Variants in CSMD3 observed in about 807,000 individuals in gnomAD.
The protein encoded by CSMD3 is CUB and sushi domain-containing protein 3.
CSMD3 carries 177 observed loss-of-function variants against 435.2 expected under a neutral mutation model. The observed-to-expected ratio is 0.41, with a 90% CI of 0.36 to 0.46. CSMD3 has a LOEUF of 0.46. CSMD3 is among the 20% of genes least tolerant of loss of function. CSMD3 has a pLI of 0.34. For missense variants in CSMD3, 4,265 were observed against 4,504.6 expected (o/e 0.95, Z 1.52); for synonymous variants, 1,656 against 1,520.5 (o/e 1.09, Z -2.07).
chr8:113,305,668 G>A (rs1206540860), intron 2 of CSMD3, among the ~76,000 whole-genome samples: 1 of 152,172 alleles, frequency 6.6e-6, no homozygotes, highest in Non-Finnish European at 1.5e-5. Context: ...GTATACTCTG[G>A]AATCCTTGCC....
At chr8:112,252,628 T>C (rs1396096846) in intron 63 of CSMD3, among the ~76,000 whole-genome samples, 2 of 150,646 alleles carry the variant, frequency 1.3e-5, no homozygotes, top group Non-Finnish European at 3.0e-5. Flanking sequence ...TATAACTATT[T>C]ATTGTGTTAG....
At chr8:112,683,868 C>A (rs886989525) in intron 15 of CSMD3, among the ~76,000 whole-genome samples, 3 of 151,432 alleles carry the variant, frequency 2.0e-5, no homozygotes, top group Non-Finnish European at 4.4e-5. Flanking sequence ...TATTAAGGTA[C>A]GTTTTAGAAT....
At chr8:112,791,319 G>GGAAAAAAAAA (rs56289713) in intron 13 of CSMD3, among the ~76,000 whole-genome samples, 3 of 103,180 alleles carry the variant, frequency 2.9e-5, no homozygotes, top group Non-Finnish European at 1.9e-5. Flanking sequence ...CATATCCTGT[G>GGAAAAAAAAA]AAAAAAAAAA....
intron 27 of CSMD3, among the ~76,000 whole-genome samples, chr8:112,538,387 G>A (rs920172354): frequency 1.3e-5 from 2 of 151,998 alleles, no homozygotes; most frequent in Non-Finnish European, 2.9e-5. Context: ...AAAAGGCATC[G>A]AAATTAGGAA....
chr8:113,322,727 A>T (rs551538677), intron 1 of CSMD3, among the ~76,000 whole-genome samples: 8 of 152,156 alleles, frequency 5.3e-5, no homozygotes, highest in Non-Finnish European at 7.4e-5. Context: ...AAATATTATT[A>T]TGAAAACCTT....
chr8:113,376,650 C>A, intron 1 of CSMD3: 7 of 1,464,576 alleles, frequency 4.8e-6, no homozygotes, highest in Non-Finnish European at 5.7e-6. Flanking sequence ...CCAGACCTGG[C>A]CAGGCAGGAG....
chr8:112,370,029 A>AGAAGAG (rs1828202005), intron 38 of CSMD3, among the ~76,000 whole-genome samples: 1 of 62,554 alleles, frequency 1.6e-5, no homozygotes, highest in Non-Finnish European at 4.0e-5. Context: ...AAGAGGAAGA[A>AGAAGAG]GAAGAAGAAG....
At chr8:112,395,716 A>C (rs1223638236) in intron 35 of CSMD3, among the ~76,000 whole-genome samples, 4 of 152,150 alleles carry the variant, frequency 2.6e-5, no homozygotes, top group Non-Finnish European at 5.9e-5. Flanking sequence ...CAAAGCTATT[A>C]GTGGCTGCAG....
At chr8:113,185,415 A>G (rs184617854) in intron 3 of CSMD3, among the ~76,000 whole-genome samples, 344 of 152,152 alleles carry the variant, frequency 2.3e-3, no homozygotes, top group African/African-American at 7.9e-3. Flanking sequence ...TAGTCATACC[A>G]GTATCCTTCC....
At chr8:113,152,680 T>TA (rs1196852074) in intron 4 of CSMD3, among the ~76,000 whole-genome samples, 1 of 152,016 alleles carries the variant, frequency 6.6e-6, no homozygotes, top group Non-Finnish European at 1.5e-5. Flanking sequence ...TTTGCCTGGT[T>TA]AAAAAAATTT....
chr8:112,976,367 C>T (rs1222377843), intron 6 of CSMD3, among the ~76,000 whole-genome samples: 2 of 152,000 alleles, frequency 1.3e-5, no homozygotes, highest in Non-Finnish European at 2.9e-5. Flanking sequence ...AAATATACCA[C>T]ATTTTAACTG....
chr8:112,323,377 C>A (rs1201991162), intron 45 of CSMD3, among the ~76,000 whole-genome samples: 2 of 151,986 alleles, frequency 1.3e-5, no homozygotes, highest in African/African-American at 4.8e-5. Flanking sequence ...TTAATTCCCG[C>A]TGTACTGGGT....
At chr8:112,299,348 T>C (rs998395997) in intron 53 of CSMD3, among the ~76,000 whole-genome samples, 1 of 152,104 alleles carries the variant, frequency 6.6e-6, no homozygotes, top group African/African-American at 2.4e-5. Context: ...CTTCACTACA[T>C]ACAAATTTTG....
intron 32 of CSMD3, among the ~76,000 whole-genome samples, chr8:112,434,868 C>G (rs1814146268): frequency 6.6e-6 from 1 of 152,120 alleles, no homozygotes; most frequent in Admixed American, 6.6e-5. Context: ...TGAAAAAGCT[C>G]ATCTATTTGT....
intron 6 of CSMD3, among the ~76,000 whole-genome samples, chr8:113,005,703 A>G (rs1178183850): frequency 6.6e-6 from 1 of 152,068 alleles, no homozygotes; most frequent in Non-Finnish European, 1.5e-5. Context: ...TATAATGTAA[A>G]TAGGATTCCA....
At chr8:112,568,838 C>T (rs539061125) in intron 24 of CSMD3, among the ~76,000 whole-genome samples, 21 of 152,192 alleles carry the variant, frequency 1.4e-4, no homozygotes, top group Non-Finnish European at 2.1e-4. Context: ...GTATCTTTAA[C>T]CTAATTTTTT....
intron 27 of CSMD3, among the ~76,000 whole-genome samples, chr8:112,542,729 C>T (rs768383686): frequency 6.6e-6 from 1 of 152,088 alleles, no homozygotes; most frequent in South Asian, 2.1e-4. Context: ...CTACTATTCA[C>T]ATGAAACCAA....
chr8:112,522,363 G>A (rs929011496), intron 27 of CSMD3, among the ~76,000 whole-genome samples: 1 of 151,958 alleles, frequency 6.6e-6, no homozygotes, highest in African/African-American at 2.4e-5. Context: ...GCTTATCTGA[G>A]AAAGCATATA....
intron 22 of CSMD3, among the ~76,000 whole-genome samples, chr8:112,609,218 A>G (rs1833050548): frequency 1.4e-5 from 2 of 140,372 alleles, no homozygotes; most frequent in Admixed American, 7.0e-5. Context: ...AAAAAAAAAA[A>G]AAAAAAAAAA....
Sources: gnomAD v4.1 joint callset for allele counts (sites outside exome capture counted in the v4.1 genomes callset) on GRCh38, gnomAD v4.1.1 for gene constraint, MANE v1.5 for transcripts, NCBI Gene and HGNC (gene_info 2026-07-23, HGNC 2026-07-21) for gene names.